The following SH2D4A variants were observed in gnomAD, a reference collection of about 807,000 sequenced individuals.
SH2D4A encodes SH2 domain containing 4A.
SH2D4A carries 70 observed loss-of-function variants against 64.7 expected under a neutral mutation model. The ratio of observed to expected loss-of-function variants is 1.08; its 90% CI spans 0.89 to 1.32. The LOEUF (loss-of-function observed/expected upper bound fraction) is 1.32. SH2D4A is among the 40% of genes most tolerant of loss of function. The pLI, the probability that SH2D4A is intolerant of heterozygous loss-of-function variation, is 0.00. For missense variants in SH2D4A, 706 were observed against 540.1 expected (o/e 1.31, Z -3.04); for synonymous variants, 268 against 200.7 (o/e 1.34, Z -2.83).
chr8:19,396,044 C>T lies in SH2D4A; in HGVS notation c.*1402C>T, dbSNP rs1344198508. The stretch of plus-strand genomic sequence containing the variant: ...ATCTTATGCCCTCCTGGAACCCCCG[C>T]CCACCTCAGTCCAGTCCCAGTCAGG... On this transcript the variant is annotated 3_prime_UTR_variant, in exon 10 of 10. Coordinates refer to ENST00000265807, the MANE Select transcript of SH2D4A (RefSeq NM_022071.4). 6.6e-6 allele frequency: 1 copy of T among 152,324 alleles called. No homozygotes were observed. Among genetic ancestry groups the T allele is most frequent in the Admixed American group, 6.5e-5 (1 of 15,300 alleles). The allele number at this position is 152,324 out of a possible 1,614,324, so 9.4% of individuals were successfully genotyped here. A position where few individuals can be genotyped will look rare whatever the true frequency, so the allele number is the denominator to read the frequency against.
At chr8:19,335,051 A>G (rs932404591) in intron 4 of SH2D4A, among the ~76,000 whole-genome samples, 194 bp downstream of exon 4, 1 of 152,076 alleles carries the variant, frequency 6.6e-6, no homozygotes, top group Non-Finnish European at 1.5e-5. Flanking sequence ...TGGGAGGCCA[A>G]GGCGGGCGGA....
chr8:19,326,817 C>T (rs1284768723), intron 2 of SH2D4A, among the ~76,000 whole-genome samples: 3 of 152,158 alleles, frequency 2.0e-5, no homozygotes, highest in Non-Finnish European at 2.9e-5. Context: ...CCCTTGATCT[C>T]CACCTTAGCT....
Position 19,361,273 on chromosome 8 carries a change from T to C in SH2D4A, c.665T>C (p.Ile222Thr). Reference protein sequence around the residue: ...NQIEEERTKQICKSWKEDSEW... With the variant: ...NQIEEERTKQTCKSWKEDSEW... ...ATAGAAGAAGAGAGAACGAAGCAGA[T>C]TTGTAAGAGCTGGAAAGAAGACTCG... Residue 222 changes from isoleucine to threonine, a missense_variant, in exon 6 of 10, where the codon ATT becomes ACT. Coordinates refer to ENST00000265807, the MANE Select transcript of SH2D4A (RefSeq NM_022071.4). 1 of 1,612,300 alleles carries C rather than the reference T, an allele frequency of 6.2e-7. No individual in the cohort carries two copies. Among genetic ancestry groups the C allele is most frequent in the Non-Finnish European group, 8.5e-7 (1 of 1,179,364 alleles).
intron 7 of SH2D4A, among the ~76,000 whole-genome samples, chr8:19,366,603 C>T (rs11995257): frequency 0.048 from 7,352 of 152,020 alleles, 589 homozygotes; most frequent in African/African-American, 0.17. Flanking sequence ...GAGACCAGCC[C>T]GACCAACATG....
intron 4 of SH2D4A, among the ~76,000 whole-genome samples, chr8:19,356,882 G>T (rs565983853): frequency 1.3e-5 from 2 of 152,222 alleles, no homozygotes; most frequent in Admixed American, 6.5e-5. Context: ...ATTTAAATAG[G>T]GGGTAATGTT....
At chr8:19,373,463 TA>T in intron 7 of SH2D4A, 66 bp from the exon 8 acceptor site, 1 of 1,082,222 alleles carries the variant, frequency 9.2e-7, no homozygotes, top group East Asian at 2.7e-5. Context: ...TATATATATA[TA>T]TGACTTTTGA....
chr8:19,394,273 C>T (rs939021890), intron 9 of SH2D4A, among the ~76,000 whole-genome samples: 4 of 152,138 alleles, frequency 2.6e-5, no homozygotes, highest in African/African-American at 9.7e-5. Context: ...GCTATACAGC[C>T]CAGTTCTAAC....
chr8:19,316,368 T>A (rs1444062881), intron 1 of SH2D4A, among the ~76,000 whole-genome samples: 2 of 152,220 alleles, frequency 1.3e-5, no homozygotes, highest in African/African-American at 4.8e-5. Flanking sequence ...GCCATGAACC[T>A]CCTTGCACAT....
intron 2 of SH2D4A, among the ~76,000 whole-genome samples, chr8:19,325,174 C>T (rs778539941): frequency 2.0e-5 from 3 of 152,136 alleles, no homozygotes; most frequent in Non-Finnish European, 4.4e-5. Flanking sequence ...CCAGGAGCCA[C>T]GCTGTTTCCT....
intron 4 of SH2D4A, among the ~76,000 whole-genome samples, chr8:19,346,101 G>A (rs2117243034): frequency 1.3e-5 from 2 of 152,318 alleles, no homozygotes; most frequent in Middle Eastern, 3.4e-3. Flanking sequence ...GCCTGAACAA[G>A]TACCAGATAC....
intron 4 of SH2D4A, among the ~76,000 whole-genome samples, chr8:19,355,831 CT>C (rs1398805090): frequency 6.6e-6 from 1 of 152,186 alleles, no homozygotes; most frequent in Non-Finnish European, 1.5e-5. Flanking sequence ...ATTATAAAAC[CT>C]CAGCAGAGAG....
intron 9 of SH2D4A, among the ~76,000 whole-genome samples, chr8:19,394,317 G>T (rs2053549993): frequency 6.6e-6 from 1 of 152,170 alleles, no homozygotes; most frequent in Admixed American, 6.5e-5. Flanking sequence ...ATGGCCCTGG[G>T]GTTGGGGACC....
At chr8:19,339,113 A>G (rs1585158010) in intron 4 of SH2D4A, among the ~76,000 whole-genome samples, 1 of 152,342 alleles carries the variant, frequency 6.6e-6, no homozygotes, top group East Asian at 1.9e-4. Flanking sequence ...CAAGAGTCCA[A>G]AAGCTGAAGA....
At chr8:19,361,799 G>A (rs2052893384) in intron 6 of SH2D4A, among the ~76,000 whole-genome samples, 1 of 151,718 alleles carries the variant, frequency 6.6e-6, no homozygotes. Context: ...TTAATATTGT[G>A]TTTTGGATTT....
intron 1 of SH2D4A, among the ~76,000 whole-genome samples, chr8:19,317,167 T>C (rs1040128451): frequency 1.3e-4 from 20 of 152,224 alleles, no homozygotes; most frequent in Non-Finnish European, 2.2e-4. Flanking sequence ...TAAGGACATT[T>C]ACTGGAATGT....
intron 7 of SH2D4A, among the ~76,000 whole-genome samples, chr8:19,366,573 G>C (rs1275724165): frequency 6.6e-6 from 1 of 152,138 alleles, no homozygotes; most frequent in Non-Finnish European, 1.5e-5. Context: ...GAGGTGGGTG[G>C]ATCATGAGGT....
intron 6 of SH2D4A, among the ~76,000 whole-genome samples, chr8:19,363,388 G>T (rs2052926944): frequency 6.6e-6 from 1 of 151,970 alleles, no homozygotes; most frequent in African/African-American, 2.4e-5. Context: ...TATGTTGGGG[G>T]TATTTAGACA....
chr8:19,378,520 C>T (rs563221689), intron 8 of SH2D4A, among the ~76,000 whole-genome samples: 1 of 152,268 alleles, frequency 6.6e-6, no homozygotes, highest in Admixed American at 6.5e-5. Flanking sequence ...ACTACAACCT[C>T]TGCCTCCCAG....
chr8:19,353,651 G>C (rs2052743065), intron 4 of SH2D4A, among the ~76,000 whole-genome samples: 1 of 144,902 alleles, frequency 6.9e-6, no homozygotes, highest in South Asian at 2.2e-4. Flanking sequence ...ACAGGCGTGA[G>C]CCACCACACC....
Sources: gnomAD v4.1 joint callset for allele counts (sites outside exome capture counted in the v4.1 genomes callset) on GRCh38, gnomAD v4.1.1 for gene constraint, MANE v1.5 for transcripts, NCBI Gene and HGNC (gene_info 2026-07-23, HGNC 2026-07-21) for gene names.